SLC13A1: variants seen among roughly 807,000 people sequenced by gnomAD.
SLC13A1 encodes Na(+)/sulfate cotransporter.
Under a neutral mutation model 70.0 loss-of-function variants are expected in SLC13A1, and 65 were observed. The ratio of observed to expected loss-of-function variants is 0.93; its 90% CI spans 0.76 to 1.14. The LOEUF (loss-of-function observed/expected upper bound fraction) is 1.14. Ranked by LOEUF, SLC13A1 falls within the 50% of genes most tolerant of loss-of-function variation. The pLI is 0.00. For synonymous variants in SLC13A1, 275 were observed against 250.5 expected, an observed-to-expected ratio of 1.10 and a Z score of -0.92; for missense variants, 726 against 717.8, an observed-to-expected ratio of 1.01 and a Z score of -0.13.
chr7:123,173,467 C>T (rs1398334391), intron 2 of SLC13A1, among the ~76,000 whole-genome samples: 1 of 152,012 alleles, frequency 6.6e-6, no homozygotes, highest in East Asian at 1.9e-4. Context: ...TATCCATATG[C>T]ACCAAAAATA....
chr7:123,125,478 C>T (rs1793526549), intron 11 of SLC13A1, 91 bp downstream of exon 11: 2 of 892,002 alleles, frequency 2.2e-6, no homozygotes, highest in Non-Finnish European at 1.8e-6. Context: ...CATAGACTTT[C>T]TTTCTGCTCT....
At chr7:123,161,021 C>A (rs1346203337) in intron 6 of SLC13A1, among the ~76,000 whole-genome samples, 2 of 151,408 alleles carry the variant, frequency 1.3e-5, no homozygotes, top group Non-Finnish European at 2.9e-5. Flanking sequence ...CATAAATACA[C>A]CAACAAAGTA....
chr7:123,147,429 TG>T, intron 6 of SLC13A1, 119 bp from the exon 7 acceptor site: 2 of 1,198,906 alleles, frequency 1.7e-6, no homozygotes, highest in Non-Finnish European at 1.2e-6. Context: ...CTGATGTGAT[TG>T]TATTTGGCAA....
chr7:123,167,827 A>T (rs1335862086), intron 6 of SLC13A1, among the ~76,000 whole-genome samples: 1 of 152,042 alleles, frequency 6.6e-6, no homozygotes, highest in Non-Finnish European at 1.5e-5. Context: ...CATGAATAGG[A>T]GTTGCTCCAA....
intron 6 of SLC13A1, among the ~76,000 whole-genome samples, chr7:123,150,279 C>A (rs1331177512): frequency 1.3e-5 from 2 of 152,134 alleles, no homozygotes; most frequent in Admixed American, 6.6e-5. Flanking sequence ...AGCCAGCAGA[C>A]AATGGTATCA....
At chr7:123,136,611 A>G (rs1793956734) in intron 7 of SLC13A1, among the ~76,000 whole-genome samples, 1 of 152,134 alleles carries the variant, frequency 6.6e-6, no homozygotes, top group African/African-American at 2.4e-5. Flanking sequence ...TTTGGTATCT[A>G]CCAAGTGCCA....
At chr7:123,189,309 G>T (rs1057146008) in intron 1 of SLC13A1, among the ~76,000 whole-genome samples, 2 of 151,730 alleles carry the variant, frequency 1.3e-5, no homozygotes, top group Non-Finnish European at 2.9e-5. Flanking sequence ...AGTAATTCAT[G>T]TTGCTACATA....
intron 6 of SLC13A1, among the ~76,000 whole-genome samples, chr7:123,153,168 A>G (rs1794609843): frequency 6.6e-6 from 1 of 152,142 alleles, no homozygotes; most frequent in Non-Finnish European, 1.5e-5. Flanking sequence ...AAACAAAAAA[A>G]TCAAAACAGA....
chr7:123,187,462 A>C (rs1795842464), intron 1 of SLC13A1, among the ~76,000 whole-genome samples: 1 of 152,182 alleles, frequency 6.6e-6, no homozygotes, highest in Non-Finnish European at 1.5e-5. Flanking sequence ...CATTTGCTTA[A>C]ATTATTTTTA....
At chr7:123,174,373 C>T (rs1341354942) in intron 2 of SLC13A1, among the ~76,000 whole-genome samples, 3 of 152,132 alleles carry the variant, frequency 2.0e-5, no homozygotes, top group African/African-American at 4.8e-5. Flanking sequence ...ATCCTTCAAA[C>T]ACATTCTCCC....
chr7:123,131,405 A>G (rs897463011), intron 8 of SLC13A1, among the ~76,000 whole-genome samples: 2 of 152,174 alleles, frequency 1.3e-5, no homozygotes, highest in African/African-American at 4.8e-5. Flanking sequence ...ATAGTTTATC[A>G]TTTTGGTTGC....
chr7:123,134,160 T>C (rs1793868675), intron 8 of SLC13A1, among the ~76,000 whole-genome samples: 1 of 152,206 alleles, frequency 6.6e-6, no homozygotes, highest in African/African-American at 2.4e-5. Context: ...TTCAAAGTGC[T>C]GGGATTATAG....
intron 1 of SLC13A1, among the ~76,000 whole-genome samples, chr7:123,187,000 C>G (rs1233115287): frequency 6.6e-6 from 1 of 151,074 alleles, no homozygotes; most frequent in East Asian, 1.9e-4. Context: ...GTCCAGAGGA[C>G]TTCCTCAAAA....
chr7:123,140,447 T>C (rs1280166852), intron 7 of SLC13A1, among the ~76,000 whole-genome samples: 1 of 152,038 alleles, frequency 6.6e-6, no homozygotes, highest in Non-Finnish European at 1.5e-5. Flanking sequence ...ACTGGACTCA[T>C]AGCGTTTGAA....
At chr7:123,133,161 CTG>C (rs1793824485) in intron 8 of SLC13A1, among the ~76,000 whole-genome samples, 1 of 152,142 alleles carries the variant, frequency 6.6e-6, no homozygotes, top group Admixed American at 6.5e-5. Context: ...ATTGAAGACA[CTG>C]AGACTGAGAA....
At chr7:123,116,388 G>T (rs1450063849) in intron 14 of SLC13A1, among the ~76,000 whole-genome samples, 1 of 152,180 alleles carries the variant, frequency 6.6e-6, no homozygotes, top group African/African-American at 2.4e-5. Flanking sequence ...TGATACAATG[G>T]CAGAGTTGAG....
chr7:123,167,522 T>C (rs1292382984), intron 6 of SLC13A1, among the ~76,000 whole-genome samples: 1 of 152,204 alleles, frequency 6.6e-6, no homozygotes, highest in Non-Finnish European at 1.5e-5. Context: ...TGAAGAAATA[T>C]ATGTCCCACT....
chr7:123,161,521 C>T (rs950766591), intron 6 of SLC13A1, among the ~76,000 whole-genome samples: 3 of 152,098 alleles, frequency 2.0e-5, no homozygotes, highest in Non-Finnish European at 2.9e-5. Flanking sequence ...GTACATATGC[C>T]TTCCACTTTC....
intron 6 of SLC13A1, among the ~76,000 whole-genome samples, chr7:123,157,612 C>A (rs1482758692): frequency 6.6e-6 from 1 of 151,790 alleles, no homozygotes; most frequent in Non-Finnish European, 1.5e-5. Context: ...CTGAGAAAAA[C>A]CTTGCTCTTT....
Sources: allele counts gnomAD v4.1 joint callset (sites outside exome capture counted in the v4.1 genomes callset), GRCh38; gene constraint gnomAD v4.1.1; transcripts MANE v1.5; gene names NCBI Gene and HGNC (gene_info 2026-07-23, HGNC 2026-07-21).